RIN3: variants seen among roughly 807,000 people sequenced by gnomAD.
RIN3 encodes the protein RAB5 interacting protein 3.
Under a neutral mutation model 76.3 loss-of-function variants are expected in RIN3, and 54 were observed. The ratio of observed to expected loss-of-function variants is 0.71; its 90% CI spans 0.57 to 0.89. The LOEUF (loss-of-function observed/expected upper bound fraction) is 0.89. Among genes scored for constraint, RIN3 ranks in the 40% least tolerant of loss-of-function variants. RIN3 has a pLI of 0.00. For missense variants in RIN3, 1,256 were observed against 1,322.1 expected (o/e 0.95, Z 0.78); for synonymous variants, 576 against 564.0 (o/e 1.02, Z -0.30).
At chr14:92,646,241 G>A (rs1232153886) in intron 5 of RIN3, among the ~76,000 whole-genome samples, 1 of 152,096 alleles carries the variant, frequency 6.6e-6, no homozygotes, top group Non-Finnish European at 1.5e-5. Context: ...CCGCCCCTCG[G>A]CCCTTTCCTC....
chr14:92,566,602 G>A (rs1012497660), intron 2 of RIN3, among the ~76,000 whole-genome samples: 1 of 152,160 alleles, frequency 6.6e-6, no homozygotes. Context: ...GCAAGGAGGG[G>A]GAGAGGGGAC....
rs192523637 is a variant in RIN3, at chr14:92,631,070, G to A, written c.441-10168G>A. 3.8e-3 allele frequency among the ~76,000 whole-genome samples: 584 copies of A among 152,314 alleles called. 6 individuals are homozygous for A. Among genetic ancestry groups the A allele is most frequent in the African/African-American group, 0.013 (532 of 41,570 alleles). ...TGCCTTGTGTCACCTCCAGGACATG[G>A]CACAGAGGGGTGTTACAGTGGATGC... On this transcript the variant is annotated intron_variant, in intron 4 of 9. Transcript: ENST00000216487.
chr14:92,602,133 A>C (rs1355060900), intron 3 of RIN3, among the ~76,000 whole-genome samples: 1 of 152,210 alleles, frequency 6.6e-6, no homozygotes, highest in African/African-American at 2.4e-5. Flanking sequence ...AGGATGGTGA[A>C]AAGAAATGAG....
chr14:92,520,334 G>T (rs572378858), intron 1 of RIN3, among the ~76,000 whole-genome samples: 1 of 152,086 alleles, frequency 6.6e-6, no homozygotes, highest in Non-Finnish European at 1.5e-5. Context: ...CTACACACAG[G>T]CCTGGAGCCA....
chr14:92,688,098 C>G lies in RIN3; in HGVS notation c.2804C>G (p.Ala935Gly), dbSNP rs1455328342. 6.2e-7 allele frequency: 1 copy of G among 1,606,886 alleles called. No individual in the cohort carries two copies. The highest frequency in any genetic ancestry group is 1.1e-5 in the South Asian group (1 of 90,486). Residue 935 changes from alanine to glycine, a missense_variant, in exon 10 of 10, where the codon GCG becomes GGG. By Grantham distance (60) the Ala-to-Gly change is moderately conservative. Coordinates refer to ENST00000216487, the MANE Select transcript of RIN3 (RefSeq NM_024832.5). ...VLVDGRCFQL[A>G]DDALPHCIKG... ...GTGGACGGGCGCTGCTTCCAGCTGG[C>G]GGACGACGCGCTGCCGCACTGCATC...
At chr14:92,666,881 T>C (rs923203833) in intron 7 of RIN3, among the ~76,000 whole-genome samples, 2 of 152,164 alleles carry the variant, frequency 1.3e-5, no homozygotes, top group Non-Finnish European at 2.9e-5. Flanking sequence ...GAGTAGTCTA[T>C]GTAAACACCC....
chr14:92,526,299 A>T (rs1212011988), intron 1 of RIN3, among the ~76,000 whole-genome samples: 2 of 151,802 alleles, frequency 1.3e-5, no homozygotes, highest in African/African-American at 2.4e-5. Flanking sequence ...CTACTAAAAA[A>T]TTTTTTAAAA....
chr14:92,641,742 C>G (rs866634990), intron 5 of RIN3, among the ~76,000 whole-genome samples: 1 of 152,162 alleles, frequency 6.6e-6, no homozygotes, highest in South Asian at 2.1e-4. Context: ...GTGGCCCTTG[C>G]GGGTCCTGTC....
chr14:92,597,907 A>G (rs1269757884), intron 3 of RIN3, among the ~76,000 whole-genome samples: 1 of 152,212 alleles, frequency 6.6e-6, no homozygotes, highest in Non-Finnish European at 1.5e-5. Context: ...TCACTTGTTA[A>G]GCATTCTATA....
At chr14:92,520,385 G>A (rs956942280) in intron 1 of RIN3, among the ~76,000 whole-genome samples, 19 of 152,174 alleles carry the variant, frequency 1.2e-4, no homozygotes, top group African/African-American at 3.9e-4. Flanking sequence ...TGGGAGTGGG[G>A]CCTTTGAGCC....
chr14:92,609,500 C>G (rs980511784), intron 3 of RIN3, among the ~76,000 whole-genome samples: 3 of 152,282 alleles, frequency 2.0e-5, no homozygotes, highest in Admixed American at 2.0e-4. Context: ...ATGTACTCAG[C>G]GTGACAAGTC....
intron 1 of RIN3, among the ~76,000 whole-genome samples, chr14:92,524,984 G>T (rs531364013): frequency 6.6e-6 from 1 of 152,226 alleles, no homozygotes; most frequent in Non-Finnish European, 1.5e-5. Context: ...TCTACCTCTT[G>T]CAAGAAGCCT....
Position 92,546,177 on chromosome 14 carries a change from G to A in RIN3, c.45-9574G>A, listed in dbSNP as rs60912305. 4.5e-4 allele frequency among the ~76,000 whole-genome samples: 69 copies of A among 152,080 alleles called. No individual in the cohort carries two copies. The East Asian group carries it at 8.7e-3, about 19-fold the overall frequency. Reference sequence around the variant, plus strand: ...TGACCTCAAATGATCCACCTACCTCGGCTTCCCAAAGGGCTGGGATTACAG... The same window carrying A: ...TGACCTCAAATGATCCACCTACCTCAGCTTCCCAAAGGGCTGGGATTACAG... On this transcript the variant is annotated intron_variant, in intron 1 of 9. Coordinates refer to ENST00000216487, the MANE Select transcript of RIN3 (RefSeq NM_024832.5).
intron 1 of RIN3, among the ~76,000 whole-genome samples, chr14:92,551,535 T>C (rs368776553): frequency 3.3e-5 from 5 of 152,228 alleles, no homozygotes; most frequent in East Asian, 1.9e-4. Context: ...TATCTTTGTC[T>C]AAAGTGCTCG....
intron 3 of RIN3, among the ~76,000 whole-genome samples, chr14:92,601,055 G>A (rs779846757): frequency 2.1e-4 from 32 of 152,138 alleles, no homozygotes; most frequent in Non-Finnish European, 4.1e-4. Context: ...AGCTGTGAGT[G>A]TAATATACAC....
At chr14:92,603,090 G>A (rs1285811538) in intron 3 of RIN3, among the ~76,000 whole-genome samples, 2 of 152,214 alleles carry the variant, frequency 1.3e-5, no homozygotes, top group Non-Finnish European at 2.9e-5. Flanking sequence ...TCGGCCCAGG[G>A]CCCTGGTGGG....
At chr14:92,586,850 T>C (rs1884794764) in intron 3 of RIN3, among the ~76,000 whole-genome samples, 1 of 152,152 alleles carries the variant, frequency 6.6e-6, no homozygotes. Context: ...TCAAAACCAA[T>C]GACACTCAGG....
intron 3 of RIN3, among the ~76,000 whole-genome samples, chr14:92,595,104 G>T (rs932139895): frequency 6.6e-6 from 1 of 152,190 alleles, no homozygotes; most frequent in African/African-American, 2.4e-5. Flanking sequence ...CTGAACCCTG[G>T]ATCATGTTAA....
chr14:92,551,079 G>C (rs376460905), intron 1 of RIN3, among the ~76,000 whole-genome samples: 5 of 152,224 alleles, frequency 3.3e-5, no homozygotes, highest in South Asian at 2.1e-4. Flanking sequence ...ATCATGACTA[G>C]AGTTAACTAG....
Sources: gnomAD v4.1 joint callset for allele counts (sites outside exome capture counted in the v4.1 genomes callset) on GRCh38, gnomAD v4.1.1 for gene constraint, MANE v1.5 for transcripts, NCBI Gene and HGNC (gene_info 2026-07-23, HGNC 2026-07-21) for gene names.